Variants in CRYBG1 observed in about 807,000 individuals in gnomAD.
CRYBG1 encodes crystallin beta-gamma domain containing 1.
Under a neutral mutation model 189.2 loss-of-function variants are expected in CRYBG1, and 139 were observed. The ratio of observed to expected loss-of-function variants is 0.73; its 90% CI spans 0.64 to 0.85. CRYBG1 has a LOEUF of 0.85. Among genes scored for constraint, CRYBG1 ranks in the 40% least tolerant of loss-of-function variants. The pLI is 0.00. For synonymous variants in CRYBG1, 1,023 were observed against 1,017.1 expected (o/e 1.01, Z -0.11); for missense variants, 2,611 against 2,675.8 (o/e 0.98, Z 0.53).
rs752485338 is a variant in CRYBG1 at position 106,520,134 on chromosome 6, C to T, written c.2926C>T (p.Pro976Ser). ...CCAGGATGTGAGCTCCCAGGTCATC[C>T]CAGAGAGCTCTGAAGTTAGAGAAGT... ...STQDVSSQVI[P>S]ESSEVREVQL... Residue 976 changes from proline to serine, a missense_variant, in exon 4 of 22, where the codon CCA (proline) becomes TCA (serine). Transcript: ENST00000633556. 11 of 1,613,964 alleles carry T rather than the reference C, an allele frequency of 6.8e-6. No individual in the cohort carries two copies. The East Asian group carries it at 1.8e-4, about 26-fold the overall frequency.
At chr6:106,369,925 TCCCCAG>T (rs1296955007) in intron 1 of CRYBG1, among the ~76,000 whole-genome samples, 1 of 152,226 alleles carries the variant, frequency 6.6e-6, no homozygotes, top group African/African-American at 2.4e-5. Context: ...AGGCTGGGAT[TCCCCAG>T]CCGGTGATCT....
At chr6:106,362,678 T>C (rs1771902945) in intron 1 of CRYBG1, among the ~76,000 whole-genome samples, 1 of 152,224 alleles carries the variant, frequency 6.6e-6, no homozygotes, top group Non-Finnish European at 1.5e-5. Context: ...TTTTCTCTCA[T>C]ATTTTATCAT....
chr6:106,451,526 C>A, intron 1 of CRYBG1, 168 bp from the exon 2 acceptor site: 1 of 582,738 alleles, frequency 1.7e-6, no homozygotes, highest in Non-Finnish European at 2.8e-6. Flanking sequence ...TATAAATGTG[C>A]TATGAGAGCG....
rs755981878 is a variant in CRYBG1 at position 106,553,416 on chromosome 6, G to A, written c.5473-39G>A. 16 of 1,404,688 alleles carry A rather than the reference G, an allele frequency of 1.1e-5. 1 individual carries two copies. In the South Asian group the frequency reaches 1.9e-4, roughly 16 times the overall value. 87.0% of individuals were successfully genotyped at this position (1,404,688 alleles called of 1,614,324 possible). A position where few individuals can be genotyped will look rare whatever the true frequency, so the allele number is the denominator to read the frequency against. The stretch of plus-strand genomic sequence containing the variant: ...AAGGCTAAATTAGTTAATGTGTTTA[G>A]GAAAATAATTTTATGTGTTTCTGTT... On this transcript the variant is annotated intron_variant, in intron 15 of 21. Transcript: ENST00000633556.
chr6:106,416,999 CTTTTTTTTTTTTTT>C (rs71663353), intron 1 of CRYBG1, among the ~76,000 whole-genome samples: 1 of 69,504 alleles, frequency 1.4e-5, no homozygotes, highest in African/African-American at 6.4e-5. Flanking sequence ...ATGGGATTTA[CTTTTTTTTTTTTTT>C]TTTTTTTTTT....
chr6:106,543,261 C>G (rs1774176774), intron 10 of CRYBG1, among the ~76,000 whole-genome samples, 179 bp from the exon 11 acceptor site: 1 of 152,164 alleles, frequency 6.6e-6, no homozygotes, highest in Non-Finnish European at 1.5e-5. Context: ...AACTCCTGAC[C>G]TCAAGTGATC....
chr6:106,548,602 G>A (rs1774316979), intron 13 of CRYBG1, among the ~76,000 whole-genome samples: 1 of 152,028 alleles, frequency 6.6e-6, no homozygotes, highest in Admixed American at 6.6e-5. Flanking sequence ...AAACAGAAAG[G>A]CCTTTAACCC....
At chr6:106,560,292 G>A (rs1216552964) in intron 18 of CRYBG1, among the ~76,000 whole-genome samples, 1 of 152,248 alleles carries the variant, frequency 6.6e-6, no homozygotes, top group Non-Finnish European at 1.5e-5. Context: ...TTCCACGCCA[G>A]TCTGCGCTTA....
intron 1 of CRYBG1, among the ~76,000 whole-genome samples, chr6:106,440,261 TCTCTCTC>T (rs1341311342): frequency 1.3e-3 from 159 of 124,004 alleles, no homozygotes; most frequent in African/African-American, 4.4e-3. Flanking sequence ...TCTCTCTCTC[TCTCTCTC>T]TTTTTTTTTC....
chr6:106,452,072 A>AT lies in CRYBG1; in HGVS notation c.312+241dup, dbSNP rs1771792188. On this transcript the variant is annotated intron_variant, in intron 2 of 21. Coordinates refer to ENST00000633556, the MANE Select transcript of CRYBG1 (RefSeq NM_001371242.2). Reference sequence around the variant, plus strand: ...ATCTATTTTTATATAATTATTATATATATCATATATAACATTATATATCAA... The same window carrying AT: ...ATCTATTTTTATATAATTATTATATATTATCATATATAACATTATATATCAA... 2.0e-5 allele frequency among the ~76,000 whole-genome samples: 3 copies of AT among 147,724 alleles called. No individual in the cohort carries two copies. In the South Asian group the frequency reaches 6.3e-4, roughly 31 times the overall value.
At chr6:106,363,087 T>C (rs914417086) in intron 1 of CRYBG1, among the ~76,000 whole-genome samples, 3 of 150,684 alleles carry the variant, frequency 2.0e-5, no homozygotes, top group Admixed American at 6.6e-5. Context: ...CTACTAAAAA[T>C]ACAAAAATTA....
intron 1 of CRYBG1, among the ~76,000 whole-genome samples, chr6:106,436,387 CT>C (rs1444405030): frequency 1.3e-5 from 2 of 151,634 alleles, no homozygotes; most frequent in South Asian, 2.1e-4. Context: ...CAGGCTCCGC[CT>C]CCCGGGTTCA....
chr6:106,369,864 G>T (rs1288652646), intron 1 of CRYBG1, among the ~76,000 whole-genome samples: 3 of 152,166 alleles, frequency 2.0e-5, no homozygotes, highest in Non-Finnish European at 2.9e-5. Context: ...GAAAAATCAG[G>T]CACAGAGGGG....
At chr6:106,481,112 T>C (rs1248305165) in intron 2 of CRYBG1, among the ~76,000 whole-genome samples, 1 of 102,042 alleles carries the variant, frequency 9.8e-6, no homozygotes, top group Non-Finnish European at 1.9e-5. Flanking sequence ...TAGCTGGGAC[T>C]ACAGGCGCCC....
intron 1 of CRYBG1, among the ~76,000 whole-genome samples, chr6:106,414,328 C>T (rs546109765): frequency 6.6e-6 from 1 of 152,360 alleles, no homozygotes; most frequent in South Asian, 2.1e-4. Flanking sequence ...GGCTCCTTGA[C>T]TTTTGCATCA....
At chr6:106,368,660 G>A (rs551160463) in intron 1 of CRYBG1, among the ~76,000 whole-genome samples, 5 of 152,248 alleles carry the variant, frequency 3.3e-5, no homozygotes, top group African/African-American at 1.2e-4. Flanking sequence ...TCTAGAGAGT[G>A]AGCCCTTGCT....
chr6:106,451,176 C>A (rs764383824), intron 1 of CRYBG1, among the ~76,000 whole-genome samples: 2 of 152,168 alleles, frequency 1.3e-5, no homozygotes, highest in East Asian at 1.9e-4. Context: ...GTAAAACATT[C>A]TTTCTGCCTT....
intron 1 of CRYBG1, among the ~76,000 whole-genome samples, chr6:106,373,802 C>G (rs1193739234): frequency 6.6e-6 from 1 of 152,136 alleles, no homozygotes; most frequent in African/African-American, 2.4e-5. Context: ...TAATACTGTT[C>G]ATTTTCCAAA....
At position 106,382,947 on chromosome 6, in the gene CRYBG1, G is replaced by T. The variant is rs114065798; in HGVS notation, c.173+21866G>T. On this transcript the variant is annotated intron_variant, in intron 1 of 21. Transcript: ENST00000633556. ...TGACTTTATTATTATTAAGTAATCT[G>T]CTTACTACAAAATTATTGATATCTA... 7.6e-3 allele frequency among the ~76,000 whole-genome samples: 1,164 copies of T among 152,222 alleles called. 18 individuals are homozygous for T. Among genetic ancestry groups the T allele is most frequent in the African/African-American group, 0.025 (1,056 of 41,522 alleles).
Sources: gnomAD v4.1 joint callset for allele counts (sites outside exome capture counted in the v4.1 genomes callset) on GRCh38, gnomAD v4.1.1 for gene constraint, MANE v1.5 for transcripts, NCBI Gene and HGNC (gene_info 2026-07-23, HGNC 2026-07-21) for gene names.